C7: variants seen among roughly 807,000 people sequenced by gnomAD.
The protein encoded by C7 is complement C7, also known as complement component C7.
C7 carries 83 observed loss-of-function variants against 104.8 expected under a neutral mutation model. That is an observed-to-expected ratio of 0.79 (90% CI 0.66 to 0.95). C7 has a LOEUF of 0.95. Among genes scored for constraint, C7 ranks in the 40% least tolerant of loss-of-function variants. The probability of loss-of-function intolerance (pLI) is 0.00; values close to 1 mark genes in which losing one functional copy is unlikely to be tolerated. For missense variants in C7, 1,070 were observed against 1,011.2 expected (o/e 1.06, Z -0.79); for synonymous variants, 415 against 360.6 (o/e 1.15, Z -1.71).
At chr5:40,978,304 G>A (rs1022747441) in intron 16 of C7, among the ~76,000 whole-genome samples, 15 of 152,072 alleles carry the variant, frequency 9.9e-5, no homozygotes, top group Non-Finnish European at 1.9e-4. Flanking sequence ...ATGGCGTGAT[G>A]GAAATGGTGG....
rs369519856 is a variant in C7 at position 40,958,254 on chromosome 5, T to G, written c.1482T>G (p.Asn494Lys). 1.4e-5 allele frequency: 23 copies of G among 1,597,300 alleles called. No individual in the cohort carries two copies. The highest frequency in any genetic ancestry group is 3.3e-4 in the Middle Eastern group (2 of 5,980). ...GTGAGCAAGGAGTCCTCGTAGGGAA[T>G]CAAGCAGGTCAGTGGGGTGAATTTT... ...AACEQGVLVG[N>K]QAGGVDGGWS... is the part of the protein sequence containing the mutation. Residue 494 changes from asparagine to lysine, a missense_variant, in exon 11 of 18, where the codon AAT becomes AAG. Physicochemically the swap from Asn to Lys is moderately conservative, Grantham distance 94. Transcript: ENST00000313164.
intron 9 of C7, chr5:40,954,777 A>G (rs7726498): frequency 0.13 from 21,183 of 165,504 alleles, 2,487 homozygotes; most frequent in African/African-American, 0.34. Context: ...CCAGCTACTC[A>G]GGAGGCTGAG....
intron 17 of C7, 70 bp from the exon 18 acceptor site, chr5:40,981,322 T>C (rs911197879): frequency 7.2e-7 from 1 of 1,382,612 alleles, no homozygotes; most frequent in African/African-American, 1.4e-5. Flanking sequence ...ATTATTACTT[T>C]GGAGGTGATG....
rs6866492 is a variant in C7 at position 40,916,026 on chromosome 5, A to G, written c.6+6410A>G. Among the ~76,000 whole-genome samples, 1,132 of 152,294 alleles carry G rather than the reference A, an allele frequency of 7.4e-3. 18 individuals are homozygous for G. Among genetic ancestry groups the G allele is most frequent in the African/African-American group, 0.026 (1,087 of 41,568 alleles). ...CAGAGTTATAAATTGGATGCATTTG[A>G]TATTCTTAGAGAATCAGTAAAGATT... On this transcript the variant is annotated intron_variant, in intron 1 of 17. Coordinates refer to ENST00000313164, the MANE Select transcript of C7 (RefSeq NM_000587.4).
chr5:40,923,855 C>A (rs1007071302), intron 1 of C7, among the ~76,000 whole-genome samples: 1 of 152,006 alleles, frequency 6.6e-6, no homozygotes, highest in Non-Finnish European at 1.5e-5. Flanking sequence ...TGGTGCTAAA[C>A]AATTTATGAG....
chr5:40,943,163 T>G (rs998957109), intron 6 of C7, among the ~76,000 whole-genome samples: 1 of 152,112 alleles, frequency 6.6e-6, no homozygotes, highest in African/African-American at 2.4e-5. Context: ...ATTGAAGTCA[T>G]GAGCCAAGAA....
At chr5:40,919,145 T>A (rs1258912585) in intron 1 of C7, among the ~76,000 whole-genome samples, 57 of 149,340 alleles carry the variant, frequency 3.8e-4, no homozygotes, top group Non-Finnish European at 7.4e-5. Flanking sequence ...TTTTTTTGAG[T>A]TGGAGTCTTG....
intron 9 of C7, among the ~76,000 whole-genome samples, chr5:40,953,180 A>G (rs1487842504): frequency 6.6e-6 from 1 of 152,192 alleles, no homozygotes; most frequent in East Asian, 1.9e-4. Context: ...TGTTAAAACT[A>G]TTAAGATTTA....
chr5:40,976,911 T>C (rs1016372203), intron 16 of C7, 71 bp downstream of exon 16: 6 of 1,203,578 alleles, frequency 5.0e-6, no homozygotes, highest in South Asian at 1.4e-5. Flanking sequence ...TAGATAATAG[T>C]GTCTGTTGGA....
chr5:40,959,265 T>A (rs1740371200), intron 11 of C7, among the ~76,000 whole-genome samples, 184 bp from the exon 12 acceptor site: 1 of 152,232 alleles, frequency 6.6e-6, no homozygotes, highest in Admixed American at 6.5e-5. Flanking sequence ...GCAACCTTAA[T>A]ATGGACATTC....
intron 14 of C7, chr5:40,972,170 G>T: frequency 1.8e-6 from 1 of 569,574 alleles, no homozygotes; most frequent in Non-Finnish European, 3.2e-6. Context: ...ATTGTTTTGA[G>T]GGGAGGGGTG....
intron 14 of C7, chr5:40,972,060 T>G (rs1208734077): frequency 2.1e-6 from 1 of 474,970 alleles, no homozygotes; most frequent in Non-Finnish European, 4.1e-6. Flanking sequence ...TGGTGGAACA[T>G]CACTAGAGCA....
chr5:40,982,880 T>C lies in C7; in HGVS notation c.*1307T>C, dbSNP rs1740980728. The C allele has an allele frequency of 6.6e-6, 1 of 152,360 alleles. No individual in the cohort carries two copies. The highest frequency in any genetic ancestry group is 1.5e-5 in the Non-Finnish European group (1 of 68,038). The allele number at this position is 152,360 out of a possible 1,614,324, so 9.4% of individuals were successfully genotyped here. A position where few individuals can be genotyped will look rare whatever the true frequency, so the allele number is the denominator to read the frequency against. ...TGTATTGTTCTGACCCTGGTAAATATATTTCAAAACTTCAGATGACAAGGA... is the reference window on the plus strand; with the variant it reads ...TGTATTGTTCTGACCCTGGTAAATACATTTCAAAACTTCAGATGACAAGGA... On this transcript the variant is annotated 3_prime_UTR_variant, in exon 18 of 18. Transcript: ENST00000313164.
At chr5:40,917,095 A>G (rs1417249838) in intron 1 of C7, among the ~76,000 whole-genome samples, 1 of 151,498 alleles carries the variant, frequency 6.6e-6, no homozygotes, top group African/African-American at 2.4e-5. Flanking sequence ...AGACTGTGCC[A>G]ATGCACTCCA....
intron 15 of C7, among the ~76,000 whole-genome samples, chr5:40,974,709 C>T (rs1197444483): frequency 2.6e-5 from 4 of 152,160 alleles, no homozygotes; most frequent in Non-Finnish European, 5.9e-5. Flanking sequence ...TGAGCCACTG[C>T]GCCCGGCTTG....
chr5:40,933,303 T>G (rs762846614), intron 3 of C7, among the ~76,000 whole-genome samples: 32 of 152,184 alleles, frequency 2.1e-4, no homozygotes, highest in Non-Finnish European at 3.4e-4. Flanking sequence ...ACAGCAACTC[T>G]TCCCTGTTGA....
intron 2 of C7, among the ~76,000 whole-genome samples, chr5:40,929,557 G>GA (rs778522028): frequency 6.6e-6 from 1 of 152,208 alleles, no homozygotes; most frequent in Non-Finnish European, 1.5e-5. Context: ...AGACATGCAA[G>GA]AATCATCTTG....
intron 6 of C7, among the ~76,000 whole-genome samples, chr5:40,944,444 C>T (rs1740004407): frequency 1.3e-5 from 2 of 152,160 alleles, no homozygotes; most frequent in African/African-American, 4.8e-5. Flanking sequence ...TTGTGTGTCC[C>T]TTTTAGACAG....
intron 1 of C7, among the ~76,000 whole-genome samples, chr5:40,912,865 AGT>A (rs1739236878): frequency 6.6e-6 from 1 of 152,144 alleles, no homozygotes; most frequent in Non-Finnish European, 1.5e-5. Context: ...TATATTGGGT[AGT>A]GTTGAAGTCT....
Sources: allele counts gnomAD v4.1 joint callset (sites outside exome capture counted in the v4.1 genomes callset), GRCh38; gene constraint gnomAD v4.1.1; transcripts MANE v1.5; gene names NCBI Gene and HGNC (gene_info 2026-07-23, HGNC 2026-07-21).